The following ADCY3 variants were observed in gnomAD, a reference collection of about 807,000 sequenced individuals.
The protein encoded by ADCY3 is adenylate cyclase 3.
In ADCY3, 70 loss-of-function variants were observed where a neutral mutation model predicts 119.4. The observed-to-expected ratio is 0.59, with a 90% confidence interval of 0.48 to 0.72. The LOEUF (loss-of-function observed/expected upper bound fraction) is 0.72. Among genes scored for constraint, ADCY3 ranks in the 30% least tolerant of loss-of-function variants. The probability of loss-of-function intolerance (pLI) is 0.00; values close to 1 mark genes in which losing one functional copy is unlikely to be tolerated. For synonymous variants in ADCY3, 672 were observed against 621.4 expected, an observed-to-expected ratio of 1.08 and a Z score of -1.21; for missense variants, 1,238 against 1,541.6, an observed-to-expected ratio of 0.80 and a Z score of 3.30.
chr2:24,858,779 G>C (rs975444671), intron 3 of ADCY3, among the ~76,000 whole-genome samples: 3 of 152,216 alleles, frequency 2.0e-5, no homozygotes, highest in African/African-American at 7.2e-5. Context: ...CCAGCTCAGA[G>C]GCCACACAGC....
intron 3 of ADCY3, among the ~76,000 whole-genome samples, chr2:24,846,405 A>T (rs1404787609): frequency 6.6e-6 from 1 of 152,192 alleles, no homozygotes. Context: ...ACCTGGAGTC[A>T]AAGGAGGTCA....
intron 19 of ADCY3, chr2:24,821,871 C>T (rs76078428): frequency 0.068 from 35,740 of 524,964 alleles, 1,439 homozygotes; most frequent in Non-Finnish European, 0.078. Context: ...GGAGACGGAC[C>T]TGTGAGTCTG....
chr2:24,911,305 C>T (rs1445807470), intron 2 of ADCY3, among the ~76,000 whole-genome samples: 2 of 137,718 alleles, frequency 1.5e-5, no homozygotes, highest in Admixed American at 1.6e-4. Flanking sequence ...ACTGTAACTT[C>T]AAACTCCTGG....
intron 11 of ADCY3, among the ~76,000 whole-genome samples, chr2:24,833,185 T>TC (rs1261435448): frequency 6.6e-6 from 1 of 152,222 alleles, no homozygotes; most frequent in East Asian, 1.9e-4. Flanking sequence ...AACAGGGGAC[T>TC]CCTCTGCTCC....
intron 3 of ADCY3, among the ~76,000 whole-genome samples, chr2:24,857,188 G>A (rs1053921196): frequency 1.3e-5 from 2 of 152,224 alleles, no homozygotes; most frequent in African/African-American, 4.8e-5. Context: ...TCTGGTCACT[G>A]GCCTGGTCTC....
At chr2:24,897,428 C>T (rs1678413372) in intron 2 of ADCY3, among the ~76,000 whole-genome samples, 1 of 152,284 alleles carries the variant, frequency 6.6e-6, no homozygotes, top group Admixed American at 6.5e-5. Flanking sequence ...TGAAACTGGA[C>T]AGAGCAGAAG....
intron 2 of ADCY3, among the ~76,000 whole-genome samples, chr2:24,892,242 G>C (rs1465139462): frequency 7.0e-6 from 1 of 142,588 alleles, no homozygotes; most frequent in Admixed American, 7.0e-5. Context: ...ATCTTTTAAA[G>C]TGTATTGAGT....
chr2:24,876,540 G>A (rs557391593), intron 2 of ADCY3, among the ~76,000 whole-genome samples: 2 of 152,192 alleles, frequency 1.3e-5, no homozygotes, highest in East Asian at 3.9e-4. Flanking sequence ...AAATGAATGT[G>A]CCCCTCAAAA....
chr2:24,847,826 G>C (rs2148628522), intron 3 of ADCY3, among the ~76,000 whole-genome samples: 1 of 152,368 alleles, frequency 6.6e-6, no homozygotes, highest in African/African-American at 2.4e-5. Context: ...CAGCTGCTGG[G>C]AGTCCTGAGG....
In ADCY3 at chr2:24,834,463, C is replaced by T. The variant is rs962612798; in HGVS notation, c.1967+22G>A. 6.4e-7 allele frequency: 1 copy of T among 1,566,416 alleles called. No individual in the cohort carries two copies. Among genetic ancestry groups the T allele is most frequent in the Middle Eastern group, 2.1e-4 (1 of 4,836 alleles). ...CCACCGCAGCCGAGGAAACTCGTGG[C>T]CCTCCCCGGCCCCTCCCTCACCAGG... On this transcript the variant is annotated intron_variant, in intron 11 of 21. Transcript: ENST00000679454. The surrounding 1 kb of genome is among the most constrained non-coding windows in gnomAD (Gnocchi z 4.2).
At chr2:24,847,873 G>A (rs1671828491) in intron 3 of ADCY3, among the ~76,000 whole-genome samples, 1 of 152,214 alleles carries the variant, frequency 6.6e-6, no homozygotes, top group African/African-American at 2.4e-5. Flanking sequence ...GAGGCAGGTG[G>A]GAGGCAGCAC....
In ADCY3 at chr2:24,826,366, T is replaced by A; in HGVS notation, c.2496-240A>T. The A allele has an allele frequency of 8.2e-6, 4 of 488,240 alleles. No individual in the cohort carries two copies. In the South Asian group the frequency reaches 8.7e-5, roughly 11 times the overall value. The allele number at this position is 488,240 out of a possible 1,614,324, so 30.2% of individuals were successfully genotyped here. A position where few individuals can be genotyped will look rare whatever the true frequency, so the allele number is the denominator to read the frequency against. On this transcript the variant is annotated intron_variant, in intron 15 of 21. Transcript: ENST00000679454. Reference sequence around the variant, plus strand: ...CTCCTGGCTGCACCTGGTATTCACATCAGGGCTGCTCCCCAGGTATTTAAG... The same window carrying A: ...CTCCTGGCTGCACCTGGTATTCACAACAGGGCTGCTCCCCAGGTATTTAAG...
At position 24,829,022 on chromosome 2, in the gene ADCY3, C is replaced by CTTTCTT. The variant is rs568267373; in HGVS notation, c.2173-862_2173-861insAAGAAA. Among the ~76,000 whole-genome samples the CTTTCTT allele has an allele frequency of 7.2e-3, 1,041 of 144,574 alleles. 12 individuals carry two copies. The highest frequency in any genetic ancestry group is 0.015 in the African/African-American group (572 of 39,432). The allele number at this position is 144,574 out of a possible 152,430, so 94.8% of individuals were successfully genotyped here. ...TCCCAGTAGACTTATTCTTTTTTTT[C>CTTTCTT]TTTTTTTTTTTTGAGATGGAGTCTC... On this transcript the variant is annotated intron_variant, in intron 13 of 21. Transcript: ENST00000679454.
At chr2:24,859,030 T>A (rs1444576091) in intron 3 of ADCY3, among the ~76,000 whole-genome samples, 1 of 152,238 alleles carries the variant, frequency 6.6e-6, no homozygotes, top group African/African-American at 2.4e-5. Context: ...GAAGGACCAG[T>A]GCCTACTTCG....
chr2:24,844,858 T>C (rs956874426), intron 3 of ADCY3, among the ~76,000 whole-genome samples: 16 of 152,326 alleles, frequency 1.1e-4, no homozygotes, highest in Non-Finnish European at 1.8e-4. Context: ...CTCATTTGAA[T>C]TGTATCTCCC....
rs535197483 is a variant in ADCY3, at chr2:24,919,543, G to T, written c.-198+140C>A. The T allele has an allele frequency of 1.3e-5, 2 of 153,650 alleles. No individual in the cohort carries two copies. The highest frequency in any genetic ancestry group is 2.9e-5 in the Non-Finnish European group (2 of 69,074). The allele number at this position is 153,650 out of a possible 1,614,324, so 9.5% of individuals were successfully genotyped here. On this transcript the variant is annotated intron_variant, in intron 1 of 21. Transcript: ENST00000679454. This position sits in a 1 kb window ranked among gnomAD's most constrained non-coding sequence, Gnocchi z 5.5. ...GTGCCGGAAAGAAATCAGGACCATCGTGGGGGATTCCTGAGCCTTCCTTCT... is the reference window on the plus strand; with the variant it reads ...GTGCCGGAAAGAAATCAGGACCATCTTGGGGGATTCCTGAGCCTTCCTTCT...
intron 8 of ADCY3, 25 bp from the exon 9 acceptor site, chr2:24,837,070 T>C: frequency 6.2e-7 from 1 of 1,612,326 alleles, no homozygotes; most frequent in Non-Finnish European, 8.5e-7. Context: ...AGCTCAGCCA[T>C]GATCTGGGCA....
chr2:24,893,003 T>C (rs1677864482), intron 2 of ADCY3, among the ~76,000 whole-genome samples: 1 of 151,818 alleles, frequency 6.6e-6, no homozygotes, highest in Non-Finnish European at 1.5e-5. Context: ...AATGTCTTTT[T>C]CTATCCTTTT....
At chr2:24,829,307 G>A (rs574895834) in intron 13 of ADCY3, among the ~76,000 whole-genome samples, 11 of 151,764 alleles carry the variant, frequency 7.2e-5, no homozygotes, top group East Asian at 1.9e-4. Flanking sequence ...GTGAGCCACC[G>A]CGCCCGGCCC....
Sources: gnomAD v4.1 joint callset for allele counts (sites outside exome capture counted in the v4.1 genomes callset) on GRCh38, gnomAD v4.1.1 for gene constraint, Gnocchi (gnomAD v3.1) non-coding constraint, MANE v1.5 for transcripts, NCBI Gene and HGNC (gene_info 2026-07-23, HGNC 2026-07-21) for gene names.